ATN1: variants seen among roughly 807,000 people sequenced by gnomAD.
ATN1 encodes atrophin 1, also known as atrophin-1.
A neutral mutation model predicts 85.8 loss-of-function variants in ATN1; 19 were observed. The ratio of observed to expected loss-of-function variants is 0.22; its 90% confidence interval spans 0.15 to 0.32. The LOEUF (loss-of-function observed/expected upper bound fraction) is 0.32. ATN1 is among the 10% of genes least tolerant of loss of function. The pLI is 1.00. For missense variants in ATN1, 1,453 were observed against 1,564.5 expected (o/e 0.93, Z 1.20); for synonymous variants, 674 against 657.0 (o/e 1.03, Z -0.39).
rs1945418076 is a variant in ATN1, at chr12:6,928,073, C to A, written c.-474C>A. On this transcript the variant is annotated 5_prime_UTR_variant, in exon 1 of 10. Transcript: ENST00000396684. ...CCGGGCGGGCCGCGGGGCCGGGCGG[C>A]GCGGCGGGGGCGGGCGGCGCGGCCC... Among the ~76,000 whole-genome samples the A allele has an allele frequency of 7.4e-6, 1 of 135,778 alleles. No individual in the cohort carries two copies. The highest frequency in any genetic ancestry group is 7.3e-5 in the Admixed American group (1 of 13,748). 89.1% of individuals were successfully genotyped at this position (135,778 alleles called of 152,430 possible). A position where few individuals can be genotyped will look rare whatever the true frequency, so the allele number is the denominator to read the frequency against.
intron 1 of ATN1, among the ~76,000 whole-genome samples, chr12:6,928,688 C>T (rs782525916): frequency 1.3e-5 from 2 of 152,234 alleles, no homozygotes; most frequent in South Asian, 4.1e-4. Flanking sequence ...GACCCGCAGA[C>T]TCAAAAGAGG....
Position 6,936,577 on chromosome 12 carries a change from T to G in ATN1, c.1310T>G (p.Val437Gly). 2 of 1,610,688 alleles carry G rather than the reference T, an allele frequency of 1.2e-6. No homozygotes were observed. Among genetic ancestry groups the G allele is most frequent in the Non-Finnish European group, 1.7e-6 (2 of 1,179,026 alleles). The change falls in exon 5 of 10, where the codon GTG becomes GGG. Residue 437 changes from valine (V) to glycine (G), a missense_variant. Val to Gly is a moderately radical substitution (Grantham distance 109). Transcript: ENST00000396684. ...YTQPSLPSQAVWSQGPPPPPP... is the reference protein window; with the variant it reads ...YTQPSLPSQAGWSQGPPPPPP... Reference sequence around the variant, plus strand: ...CAGCCTTCTCTCCCATCCCAGGCTGTGTGGAGCCAGGGTCCCCCACCACCT... The same window carrying G: ...CAGCCTTCTCTCCCATCCCAGGCTGGGTGGAGCCAGGGTCCCCCACCACCT...
At chr12:6,938,278 A>C (rs1945580976) in intron 6 of ATN1, among the ~76,000 whole-genome samples, 1 of 152,172 alleles carries the variant, frequency 6.6e-6, no homozygotes, top group Admixed American at 6.5e-5. Flanking sequence ...GGTTGGGAAA[A>C]GGCATGCTCA....
At chr12:6,925,030 C>T (rs781797169), upstream of ATN1, among the ~76,000 whole-genome samples, 40 of 152,032 alleles carry the variant, frequency 2.6e-4, no homozygotes, top group Non-Finnish European at 4.6e-4. Context: ...CCCTTTGTGC[C>T]GTTGCCTGGA....
chr12:6,931,783 C>T (rs1309177717), intron 1 of ATN1, among the ~76,000 whole-genome samples: 2 of 151,502 alleles, frequency 1.3e-5, no homozygotes, highest in Non-Finnish European at 2.9e-5. Flanking sequence ...CCTGTAATCC[C>T]AGCACTTGGG....
rs782126642 is a variant in ATN1, at chr12:6,936,853, C to T, written c.1586C>T (p.Pro529Leu). Reference protein sequence around the residue: ...LEGGSSHHAHPYAMSPSLGSL... With the variant: ...LEGGSSHHAHLYAMSPSLGSL... ...GGCGGTAGCTCCCACCACGCACACC[C>T]TTACGCCATGTCTCCCTCCCTGGGG... Residue 529 changes from proline (P) to leucine (L), a missense_variant, in exon 5 of 10, where the codon CCT becomes CTT. By Grantham distance (98) the Pro-to-Leu change is moderately conservative (BLOSUM62 -3). Coordinates refer to ENST00000396684, the MANE Select transcript of ATN1 (RefSeq NM_001940.4). 7.4e-5 allele frequency: 120 copies of T among 1,613,930 alleles called. 1 individual carries two copies. In the East Asian group the frequency reaches 2.7e-3, roughly 36 times the overall value.
At chr12:6,932,152 C>A (rs370706598) in intron 1 of ATN1, among the ~76,000 whole-genome samples, 1 of 151,518 alleles carries the variant, frequency 6.6e-6, no homozygotes, top group Non-Finnish European at 1.5e-5. Flanking sequence ...TGTGAAGTTT[C>A]CTGGAAAGGT....
intron 1 of ATN1, among the ~76,000 whole-genome samples, chr12:6,931,586 C>T (rs1314231227): frequency 6.6e-6 from 1 of 150,692 alleles, no homozygotes; most frequent in Non-Finnish European, 1.5e-5. Flanking sequence ...TGGTGGTGTG[C>T]GCTTGTAATC....
Position 6,936,779 on chromosome 12 carries a change from C to A in ATN1, c.1512C>A (p.His504Gln). 1.3e-6 allele frequency: 2 copies of A among 1,544,614 alleles called. No individual in the cohort carries two copies. Among genetic ancestry groups the A allele is most frequent in the Non-Finnish European group, 1.8e-6 (2 of 1,137,894 alleles). Reference protein sequence around the residue: ...QQQQQQQQQHHGNSGPPPPGA... With the variant: ...QQQQQQQQQHQGNSGPPPPGA... Reference sequence around the variant, plus strand: ...AGCAGCAGCAGCAGCAGCAGCATCACGGAAACTCTGGGCCCCCTCCTCCTG... The same window carrying A: ...AGCAGCAGCAGCAGCAGCAGCATCAAGGAAACTCTGGGCCCCCTCCTCCTG... Residue 504 changes from histidine to glutamine, a missense_variant, in exon 5 of 10, where the codon CAC becomes CAA. By Grantham distance (24) the His-to-Gln change is conservative (BLOSUM62 0). Transcript: ENST00000396684.
chr12:6,930,749 CGAGATCGCGGCA>C (rs1555142969), intron 1 of ATN1, among the ~76,000 whole-genome samples: 1 of 152,016 alleles, frequency 6.6e-6, no homozygotes, highest in Non-Finnish European at 1.5e-5. Context: ...TGAGCCGAGC[CGAGATCGCGGCA>C]CGGCACTCCA....
intron 1 of ATN1, among the ~76,000 whole-genome samples, chr12:6,931,274 T>A (rs1195118216): frequency 6.6e-6 from 1 of 151,644 alleles, no homozygotes; most frequent in Non-Finnish European, 1.5e-5. Flanking sequence ...ATCTTTGTTG[T>A]GCTTTTTGTT....
At chr12:6,928,446 C>G (rs1945423687) in intron 1 of ATN1, 62 bp downstream of exon 1, 1 of 152,010 alleles carries the variant, frequency 6.6e-6, no homozygotes, top group South Asian at 2.1e-4. Flanking sequence ...GGGCTCCGGC[C>G]TGCGGCTCCC....
rs1336519389 is a variant in ATN1, at chr12:6,934,490, C to T, written c.191C>T (p.Thr64Ile). The T allele has an allele frequency of 8.2e-6, 13 of 1,591,838 alleles. No homozygotes were observed. The highest frequency in any genetic ancestry group is 1.1e-5 in the Non-Finnish European group (13 of 1,168,694). The change falls in exon 4 of 10, where the codon ACC (threonine) becomes ATC (isoleucine). Residue 64 changes from threonine (T) to isoleucine (I), a missense_variant. By Grantham distance (89) the Thr-to-Ile change is moderately conservative. Around this residue, in one of 6 missense-constraint regions of ATN1, gnomAD observed 130 missense variants for 158.2 expected, o/e 0.82. Coordinates refer to ENST00000396684, the MANE Select transcript of ATN1 (RefSeq NM_001940.4). This position sits in a 1 kb window ranked among gnomAD's most constrained non-coding sequence, Gnocchi z 4.5. Reference sequence around the variant, plus strand: ...AAGGCCCGAGTAGAGGAAGCCTCCACCCCAAAGGTCAACAAGCAGGGTCGG... The same window carrying T: ...AAGGCCCGAGTAGAGGAAGCCTCCATCCCAAAGGTCAACAAGCAGGGTCGG... ...AKKARVEEASTPKVNKQGRSE... is the reference protein window; with the variant it reads ...AKKARVEEASIPKVNKQGRSE...
At chr12:6,927,918 G>T (rs782701218), upstream of ATN1, among the ~76,000 whole-genome samples, 1 of 151,202 alleles carries the variant, frequency 6.6e-6, no homozygotes, top group South Asian at 2.1e-4. Context: ...GGCTAGGAGG[G>T]GGGAGAGGGA....
intron 7 of ATN1, among the ~76,000 whole-genome samples, chr12:6,940,251 A>T (rs1339574184): frequency 6.6e-6 from 1 of 150,436 alleles, no homozygotes; most frequent in African/African-American, 2.5e-5. Flanking sequence ...TGGCCTCCCA[A>T]AGTGCTGGAA....
chr12:6,939,272 C>T, intron 7 of ATN1, 95 bp downstream of exon 7: 1 of 1,447,656 alleles, frequency 6.9e-7, no homozygotes, highest in Non-Finnish European at 9.1e-7. Context: ...CTTTCCTCCC[C>T]TGGCCTGGCA....
At position 6,934,040 on chromosome 12, in the gene ATN1, T is replaced by C. The variant is rs1404170424; in HGVS notation, c.27+12T>C. The C allele has an allele frequency of 2.5e-6, 4 of 1,609,010 alleles. No homozygotes were observed. Among genetic ancestry groups the C allele is most frequent in the East Asian group, 2.2e-5 (1 of 44,800 alleles). On this transcript the variant is annotated intron_variant, in intron 2 of 9. Coordinates refer to ENST00000396684, the MANE Select transcript of ATN1 (RefSeq NM_001940.4). This position sits in a 1 kb window ranked among gnomAD's most constrained non-coding sequence, Gnocchi z 4.5. ...AGAATAAAGACTCGGTGAGTTAAAATGAGAGACATGAAAGATGAGGGGCGG... is the reference window on the plus strand; with the variant it reads ...AGAATAAAGACTCGGTGAGTTAAAACGAGAGACATGAAAGATGAGGGGCGG...
chr12:6,937,245 G>A lies in ATN1; in HGVS notation c.1978G>A (p.Gly660Arg). ...KTATPPGYKP[G>R]SPPSFRTGTP... Reference sequence around the variant, plus strand: ...AGCCACCCCACCCGGATACAAACCCGGGTCGCCTCCCTCCTTCCGAACGGG... The same window carrying A: ...AGCCACCCCACCCGGATACAAACCCAGGTCGCCTCCCTCCTTCCGAACGGG... Residue 660 changes from glycine to arginine, a missense_variant, in exon 5 of 10, where the codon GGG (glycine) becomes AGG (arginine). Physicochemically the swap from Gly to Arg is moderately radical, Grantham distance 125. Coordinates refer to ENST00000396684, the MANE Select transcript of ATN1 (RefSeq NM_001940.4). The surrounding 1 kb of genome is among the most constrained non-coding windows in gnomAD (Gnocchi z 6.0). The A allele has an allele frequency of 3.1e-6, 5 of 1,611,702 alleles. No homozygotes were observed. The highest frequency in any genetic ancestry group is 4.2e-6 in the Non-Finnish European group (5 of 1,179,632).
In ATN1 at chr12:6,934,521, G is replaced by A. The variant is rs1555143353; in HGVS notation, c.222G>A (p.Glu74=). Residue 74 remains glutamate (E), a synonymous_variant, in exon 4 of 10, where the codon GAG becomes GAA. Transcript: ENST00000396684. This position sits in a 1 kb window ranked among gnomAD's most constrained non-coding sequence, Gnocchi z 4.5. The part of the protein sequence containing the change: ...TPKVNKQGRS[E]EISESESEET... ...AGGTCAACAAGCAGGGTCGGAGTGA[G>A]GAGATCTCAGAGAGTGAAAGTGAGG... 2 of 1,584,996 alleles carry A rather than the reference G, an allele frequency of 1.3e-6. No homozygotes were observed. The highest frequency in any genetic ancestry group is 2.7e-5 in the African/African-American group (2 of 73,992).
Sources: gnomAD v4.1 joint callset for allele counts (sites outside exome capture counted in the v4.1 genomes callset) on GRCh38, gnomAD v4.1.1 for gene constraint, gnomAD v4.1.1 regional missense constraint, Gnocchi (gnomAD v3.1) non-coding constraint, MANE v1.5 for transcripts, NCBI Gene and HGNC (gene_info 2026-07-23, HGNC 2026-07-21) for gene names.